Variants in PIGF observed in about 807,000 individuals in gnomAD.
PIGF encodes phosphatidylinositol glycan anchor biosynthesis class F.
PIGF carries 23 observed loss-of-function variants against 26.0 expected under a neutral mutation model. That is an observed-to-expected ratio of 0.88 (90% CI 0.64 to 1.25). The LOEUF (loss-of-function observed/expected upper bound fraction) is 1.25. Among genes scored for constraint, PIGF ranks in the 50% most tolerant of loss-of-function variants. The pLI is 0.00. For missense variants in PIGF, 278 were observed against 249.9 expected (o/e 1.11, Z -0.76); for synonymous variants, 93 against 92.6 (o/e 1.00, Z -0.03).
intron 2 of PIGF, 186 bp from the exon 3 acceptor site, chr2:46,613,971 A>G (rs1217634634): frequency 1.2e-5 from 6 of 510,900 alleles, no homozygotes; most frequent in Non-Finnish European, 2.1e-5. Context: ...CAGACTAAAA[A>G]AGCCTAAAAG....
At chr2:46,610,117 A>G (rs1056091471) in intron 4 of PIGF, among the ~76,000 whole-genome samples, 4 of 152,226 alleles carry the variant, frequency 2.6e-5, no homozygotes, top group African/African-American at 7.2e-5. Context: ...TTAAGTTCCC[A>G]TCTTCTCTCT....
intron 4 of PIGF, among the ~76,000 whole-genome samples, chr2:46,595,986 G>A (rs997105739): frequency 4.6e-5 from 7 of 152,064 alleles, no homozygotes; most frequent in African/African-American, 9.7e-5. Flanking sequence ...ACGCAGAGGC[G>A]GGCGGATCAC....
chr2:46,616,238 T>C (rs1290773085), intron 1 of PIGF: 2 of 152,174 alleles, frequency 1.3e-5, no homozygotes, highest in Admixed American at 1.3e-4. Context: ...ATCTCTCTGG[T>C]ATAAGGAAAT....
At position 46,612,281 on chromosome 2, in the gene PIGF, T is replaced by C. The variant is rs1037629798; in HGVS notation, c.384A>G (p.Leu128=). Residue 128 remains leucine, a synonymous_variant, in exon 4 of 6, where the codon TTA becomes TTG. Coordinates refer to ENST00000281382, the MANE Select transcript of PIGF (RefSeq NM_002643.4). The stretch of plus-strand genomic sequence containing the variant: ...CTTTGAGGTTTGGTCCTAACAAACA[T>C]AAGCAAGGCACAGTAGTAAAAGTAG... The part of the protein sequence containing the change: ...ILSTFTTVPC[L]CLLGPNLKAW... 6.7e-7 allele frequency: 1 copy of C among 1,487,720 alleles called. No homozygotes were observed. The highest frequency in any genetic ancestry group is 9.0e-7 in the Non-Finnish European group (1 of 1,112,750). 92.2% of individuals were successfully genotyped at this position (1,487,720 alleles called of 1,614,324 possible).
chr2:46,585,770 A>G (rs1669551625), intron 5 of PIGF, among the ~76,000 whole-genome samples: 1 of 152,050 alleles, frequency 6.6e-6, no homozygotes, highest in African/African-American at 2.4e-5. Flanking sequence ...ACCCTTGCAA[A>G]GCAATCATCT....
At chr2:46,595,059 CCA>C (rs1298611292) in intron 4 of PIGF, among the ~76,000 whole-genome samples, 3 of 151,910 alleles carry the variant, frequency 2.0e-5, no homozygotes, top group South Asian at 4.1e-4. Flanking sequence ...AGGCTGGTCT[CCA>C]CAGTTAGGAT....
rs773082737 is a variant in PIGF at position 46,581,108 on chromosome 2, A to G, written c.*370T>C. The G allele has an allele frequency of 7.0e-5, 99 of 1,404,822 alleles. No homozygotes were observed. Among genetic ancestry groups the G allele is most frequent in the Non-Finnish European group, 9.3e-5 (97 of 1,039,154 alleles). 87.0% of individuals were successfully genotyped at this position (1,404,822 alleles called of 1,614,324 possible). ...AGAAACATCTTCAGTGGCCAAGGAA[A>G]CTGTCCATTTCTCTCAGAAAGCAAA... On this transcript the variant is annotated 3_prime_UTR_variant, in exon 6 of 6. Coordinates refer to ENST00000281382, the MANE Select transcript of PIGF (RefSeq NM_002643.4).
chr2:46,597,326 A>T (rs1424760595), intron 4 of PIGF, among the ~76,000 whole-genome samples: 1 of 152,210 alleles, frequency 6.6e-6, no homozygotes. Context: ...GTACATGGAA[A>T]ATAGATGCTT....
chr2:46,592,112 G>T (rs1280319369), intron 5 of PIGF, among the ~76,000 whole-genome samples: 3 of 152,172 alleles, frequency 2.0e-5, no homozygotes, highest in Non-Finnish European at 2.9e-5. Flanking sequence ...AGCCACTTGG[G>T]AGGCTGAAGC....
At position 46,589,352 on chromosome 2, in the gene PIGF, A is replaced by C. The variant is rs1486783502; in HGVS notation, c.546+3123T>G. On this transcript the variant is annotated intron_variant, in intron 5 of 5. Coordinates refer to ENST00000281382, the MANE Select transcript of PIGF (RefSeq NM_002643.4). The surrounding 1 kb of genome is among the most constrained non-coding windows in gnomAD (Gnocchi z 4.7). ...AGTCATTTAATGAAGAAATTATTTT[A>C]AACATAAAAATATGCTTGAAACAGC... Among the ~76,000 whole-genome samples the C allele has an allele frequency of 1.3e-5, 2 of 152,088 alleles. No homozygotes were observed. The highest frequency in any genetic ancestry group is 2.4e-5 in the African/African-American group (1 of 41,440).
chr2:46,581,594 G>A lies in PIGF; in HGVS notation c.547-3C>T, dbSNP rs1391317747. On this transcript the variant is annotated splice_region_variant and splice_polypyrimidine_tract_variant and intron_variant, in intron 5 of 5. Coordinates refer to ENST00000281382, the MANE Select transcript of PIGF (RefSeq NM_002643.4). ...AGCGTACAGGAGATGGGCCATACCTGAGGAGAGAATGTATGAGATCAAAAA... is the reference window on the plus strand; with the variant it reads ...AGCGTACAGGAGATGGGCCATACCTAAGGAGAGAATGTATGAGATCAAAAA... 7 of 1,610,642 alleles carry A rather than the reference G, an allele frequency of 4.3e-6. No individual in the cohort carries two copies. The highest frequency in any genetic ancestry group is 1.3e-5 in the African/African-American group (1 of 74,788).
intron 4 of PIGF, among the ~76,000 whole-genome samples, chr2:46,602,815 A>G (rs1670101061): frequency 6.6e-6 from 1 of 151,914 alleles, no homozygotes; most frequent in Non-Finnish European, 1.5e-5. Flanking sequence ...TCCTTGAATA[A>G]TAATAGAATT....
intron 4 of PIGF, among the ~76,000 whole-genome samples, chr2:46,599,186 C>G (rs1279322702): frequency 6.6e-6 from 1 of 152,194 alleles, no homozygotes; most frequent in East Asian, 1.9e-4. Context: ...GCTAGAATAG[C>G]TGGGATATGA....
At chr2:46,582,907 T>C (rs936306267) in intron 5 of PIGF, 1 of 152,436 alleles carries the variant, frequency 6.6e-6, no homozygotes, top group African/African-American at 2.4e-5. Flanking sequence ...TTTGGATGTC[T>C]TCTTTCTTCC....
At chr2:46,590,724 A>C (rs1417959909) in intron 5 of PIGF, among the ~76,000 whole-genome samples, 1 of 152,222 alleles carries the variant, frequency 6.6e-6, no homozygotes, top group African/African-American at 2.4e-5. Flanking sequence ...AATGACATCA[A>C]GTATGGATGA....
chr2:46,597,576 C>T (rs1321264623), intron 4 of PIGF, among the ~76,000 whole-genome samples: 1 of 152,094 alleles, frequency 6.6e-6, no homozygotes, highest in African/African-American at 2.4e-5. Context: ...CCATGCCCAG[C>T]TATTTTTGTA....
intron 4 of PIGF, among the ~76,000 whole-genome samples, chr2:46,602,047 T>A (rs1271825370): frequency 2.0e-5 from 3 of 151,258 alleles, no homozygotes; most frequent in African/African-American, 7.3e-5. Flanking sequence ...AAAAAAAAAA[T>A]AATTTTAATG....
At chr2:46,613,991 A>C in intron 2 of PIGF, 1 of 473,044 alleles carries the variant, frequency 2.1e-6, no homozygotes, top group Non-Finnish European at 3.8e-6. Flanking sequence ...GGCAAATACC[A>C]CCTTCCGCCC....
rs538794415 is a variant in PIGF, at chr2:46,581,168, G to A, written c.*310C>T. ...ACAGCTATACCCAGACCTTTTATAG[G>A]TAATGAAGCAGTTCAAAACTTGAAA... On this transcript the variant is annotated 3_prime_UTR_variant, in exon 6 of 6. Transcript: ENST00000281382. 67 of 1,142,750 alleles carry A rather than the reference G, an allele frequency of 5.9e-5. No homozygotes were observed. In the East Asian group the frequency reaches 1.2e-3, roughly 21 times the overall value. 70.8% of individuals were successfully genotyped at this position (1,142,750 alleles called of 1,614,324 possible).
Sources: allele counts gnomAD v4.1 joint callset (sites outside exome capture counted in the v4.1 genomes callset), GRCh38; gene constraint gnomAD v4.1.1; non-coding constraint Gnocchi (gnomAD v3.1); transcripts MANE v1.5; gene names NCBI Gene and HGNC (gene_info 2026-07-23, HGNC 2026-07-21).